The following DMD variants were observed in gnomAD, a reference collection of about 807,000 sequenced individuals.
The protein encoded by DMD is mutant dystrophin.
DMD carries 63 observed loss-of-function variants against 330.1 expected under a neutral mutation model. That is an observed-to-expected ratio of 0.19 (90% CI 0.16 to 0.24). The LOEUF is 0.24. Ranked by LOEUF, DMD falls within the 10% of genes least tolerant of loss-of-function variation. The pLI is 1.00. For synonymous variants in DMD, 1,223 were observed against 959.8 expected, an observed-to-expected ratio of 1.27 and a Z score of -5.07; for missense variants, 3,344 against 2,684.1, an observed-to-expected ratio of 1.25 and a Z score of -5.43.
intron 1 of DMD, among the ~76,000 whole-genome samples, chrX:33,049,200 C>A (rs1413808995): frequency 5.4e-5 from 6 of 111,901 alleles, no homozygotes; most frequent in Non-Finnish European, 9.4e-5. Context: ...TGCAATGTTT[C>A]TAAAGTCAGT....
intron 50 of DMD, among the ~76,000 whole-genome samples, chrX:31,809,159 A>C (rs2092384866): frequency 2.1e-5 from 1 of 46,924 alleles, no homozygotes; most frequent in Admixed American, 2.4e-4. Flanking sequence ...ATATATAAAT[A>C]TATATGAGTT....
At chrX:31,931,812 A>T (rs1237348043) in intron 46 of DMD, among the ~76,000 whole-genome samples, 4 of 111,245 alleles carry the variant, frequency 3.6e-5, no homozygotes, top group Non-Finnish European at 5.7e-5. Context: ...ATTTAGACAT[A>T]TTGAATCTAT....
intron 52 of DMD, among the ~76,000 whole-genome samples, chrX:31,724,821 C>T (rs2085889647): frequency 2.7e-5 from 3 of 111,842 alleles, no homozygotes; most frequent in African/African-American, 9.7e-5. Flanking sequence ...TTATTAGCCC[C>T]ACATGACAGA....
intron 62 of DMD, among the ~76,000 whole-genome samples, chrX:31,281,337 G>A (rs1054346437): frequency 3.6e-5 from 4 of 111,243 alleles, no homozygotes; most frequent in African/African-American, 1.3e-4. Context: ...CCTAAGTTAT[G>A]CTGTCTCTAA....
chrX:32,398,178 T>C (rs893098764), intron 30 of DMD, among the ~76,000 whole-genome samples: 1 of 110,348 alleles, frequency 9.1e-6, no homozygotes, highest in South Asian at 3.8e-4. Flanking sequence ...AAAAAAATGT[T>C]GAAAAGTTTC....
intron 4 of DMD, among the ~76,000 whole-genome samples, chrX:32,836,630 A>G (rs1341933281): frequency 8.9e-6 from 1 of 111,803 alleles, no homozygotes; most frequent in Non-Finnish European, 1.9e-5. Flanking sequence ...ATGAAGATCA[A>G]AATCAAAGAC....
chrX:32,219,304 T>G (rs183307247), intron 43 of DMD, among the ~76,000 whole-genome samples: 241 of 111,973 alleles, frequency 2.2e-3, no homozygotes, highest in Admixed American at 4.9e-3. Flanking sequence ...ATCGTAAGTT[T>G]ATTCCCTTTA....
At chrX:31,135,706 ATTAAACT>A (rs1307545081) in intron 76 of DMD, among the ~76,000 whole-genome samples, 2 of 112,872 alleles carry the variant, frequency 1.8e-5, no homozygotes, top group Non-Finnish European at 3.7e-5. Context: ...TGCAAACAAA[ATTAAACT>A]TTAAAGGTCC....
At chrX:31,597,903 A>G (rs1008669050) in intron 55 of DMD, among the ~76,000 whole-genome samples, 10 of 111,409 alleles carry the variant, frequency 9.0e-5, no homozygotes, top group Admixed American at 4.8e-4. Flanking sequence ...GTTTTCTTTC[A>G]TTACTTTGGC....
At chrX:32,798,441 C>T (rs955282411) in intron 7 of DMD, among the ~76,000 whole-genome samples, 50 of 111,861 alleles carry the variant, frequency 4.5e-4, no homozygotes, top group Admixed American at 8.5e-4. Flanking sequence ...ATAACATTTA[C>T]GTCTTAATTT....
At chrX:31,630,589 A>G (rs2079083169) in intron 54 of DMD, among the ~76,000 whole-genome samples, 1 of 111,627 alleles carries the variant, frequency 9.0e-6, no homozygotes, top group Admixed American at 9.6e-5. Context: ...TGCATTCAAC[A>G]TGCTCTAAAT....
At chrX:32,470,118 T>C (rs187343457) in intron 22 of DMD, among the ~76,000 whole-genome samples, 7 of 111,498 alleles carry the variant, frequency 6.3e-5, no homozygotes, top group Admixed American at 1.9e-4. Context: ...AAAATTCTCA[T>C]CTTGTAATTT....
At chrX:32,411,269 T>G (rs796100833) in intron 30 of DMD, among the ~76,000 whole-genome samples, 1 of 111,097 alleles carries the variant, frequency 9.0e-6, no homozygotes, top group Non-Finnish European at 1.9e-5. Flanking sequence ...TAGCTGGGAT[T>G]ACAGGCGCGT....
intron 11 of DMD, among the ~76,000 whole-genome samples, chrX:32,640,429 G>A (rs188159887): frequency 9.1e-6 from 1 of 109,740 alleles, no homozygotes; most frequent in Non-Finnish European, 1.9e-5. Flanking sequence ...AAACTGGAGA[G>A]GATTTTATGT....
At chrX:31,600,479 A>G (rs2077292362) in intron 55 of DMD, among the ~76,000 whole-genome samples, 1 of 109,114 alleles carries the variant, frequency 9.2e-6, no homozygotes, top group Non-Finnish European at 1.9e-5. Flanking sequence ...ATCATGCAAG[A>G]AAATATCAAT....
intron 1 of DMD, among the ~76,000 whole-genome samples, chrX:33,286,502 C>T (rs1405520572): frequency 8.9e-6 from 1 of 112,104 alleles, no homozygotes; most frequent in Non-Finnish European, 1.9e-5. Flanking sequence ...CACTTTACTT[C>T]CTTATCTCCA....
chrX:32,129,245 C>T lies in DMD; in HGVS notation c.6438+87671G>A, dbSNP rs2096676368. 2.7e-5 allele frequency among the ~76,000 whole-genome samples: 3 copies of T among 111,663 alleles called. No homozygotes were observed. In the Admixed American group the frequency reaches 2.9e-4, roughly 11 times the overall value. On this transcript the variant is annotated intron_variant, in intron 44 of 78. Transcript: ENST00000357033. ...ACAATCCTCAAATTTTGTTTTTCAGCTTTGCTTCATCAGATTACTAGAATG... is the reference window on the plus strand; with the variant it reads ...ACAATCCTCAAATTTTGTTTTTCAGTTTTGCTTCATCAGATTACTAGAATG...
intron 1 of DMD, among the ~76,000 whole-genome samples, chrX:33,151,958 ATTTTC>A (rs1322792875): frequency 1.8e-5 from 2 of 111,724 alleles, no homozygotes; most frequent in East Asian, 5.6e-4. Flanking sequence ...AATTGAAAAT[ATTTTC>A]TTTTAATAAC....
intron 50 of DMD, among the ~76,000 whole-genome samples, chrX:31,796,308 C>G (rs1344766792): frequency 8.9e-6 from 1 of 111,941 alleles, no homozygotes; most frequent in Non-Finnish European, 1.9e-5. Flanking sequence ...TTTGTCTTAA[C>G]AAGATCGAAA....
Sources: allele counts gnomAD v4.1 joint callset (sites outside exome capture counted in the v4.1 genomes callset), GRCh38; gene constraint gnomAD v4.1.1; transcripts MANE v1.5; gene names NCBI Gene and HGNC (gene_info 2026-07-23, HGNC 2026-07-21).